The following ADAMTS17 variants were observed in gnomAD, a reference collection of about 807,000 sequenced individuals.
The protein encoded by ADAMTS17 is A disintegrin and metalloproteinase with thrombospondin motifs 17.
ADAMTS17 carries 113 observed loss-of-function variants against 141.5 expected under a neutral mutation model. The ratio of observed to expected loss-of-function variants is 0.80; its 90% CI spans 0.69 to 0.93. The LOEUF (loss-of-function observed/expected upper bound fraction) is 0.93. Among genes scored for constraint, ADAMTS17 ranks in the 40% least tolerant of loss-of-function variants. ADAMTS17 has a pLI of 0.00. For missense variants in ADAMTS17, 1,659 were observed against 1,517.9 expected (o/e 1.09, Z -1.54); for synonymous variants, 768 against 630.6 (o/e 1.22, Z -3.27).
chr15:100,213,264 A>C (rs189788300), intron 7 of ADAMTS17, among the ~76,000 whole-genome samples: 2 of 152,316 alleles, frequency 1.3e-5, no homozygotes, highest in African/African-American at 4.8e-5. Context: ...AAATGTAACA[A>C]GCTCTCTCTG....
At chr15:100,205,064 T>A (rs2041481575) in intron 7 of ADAMTS17, among the ~76,000 whole-genome samples, 1 of 152,142 alleles carries the variant, frequency 6.6e-6, no homozygotes, top group Non-Finnish European at 1.5e-5. Context: ...AAAGGCTACA[T>A]ATTCTTGGCC....
intron 18 of ADAMTS17, among the ~76,000 whole-genome samples, chr15:100,043,033 G>A (rs552852258): frequency 6.6e-6 from 1 of 152,286 alleles, no homozygotes; most frequent in South Asian, 2.1e-4. Flanking sequence ...GTTAGGAATT[G>A]CAAGAGCTTC....
At chr15:100,070,429 C>G (rs1486076638) in intron 15 of ADAMTS17, among the ~76,000 whole-genome samples, 1 of 150,308 alleles carries the variant, frequency 6.7e-6, no homozygotes, top group Non-Finnish European at 1.5e-5. Flanking sequence ...CCCAAATCAA[C>G]AGAATATACA....
chr15:100,000,442 G>A (rs1487167889), intron 18 of ADAMTS17, among the ~76,000 whole-genome samples: 1 of 152,190 alleles, frequency 6.6e-6, no homozygotes, highest in Non-Finnish European at 1.5e-5. Flanking sequence ...TGGCCCAGAT[G>A]TGGCCTGGAA....
At chr15:100,253,360 G>T (rs1409429281) in intron 7 of ADAMTS17, among the ~76,000 whole-genome samples, 1 of 103,212 alleles carries the variant, frequency 9.7e-6, no homozygotes, top group Non-Finnish European at 2.0e-5. Flanking sequence ...TGAGGGAGGG[G>T]AAGGTAGAGG....
intron 7 of ADAMTS17, among the ~76,000 whole-genome samples, chr15:100,207,979 A>G (rs2041644137): frequency 6.6e-6 from 1 of 152,206 alleles, no homozygotes; most frequent in South Asian, 2.1e-4. Context: ...AGACTCTTAT[A>G]AAAGTAATAT....
chr15:100,145,500 A>G (rs572144588), intron 10 of ADAMTS17, among the ~76,000 whole-genome samples: 1 of 152,346 alleles, frequency 6.6e-6, no homozygotes. Flanking sequence ...CAATAACTGC[A>G]GGCACCTTAA....
chr15:100,261,409 C>T, intron 6 of ADAMTS17, 70 bp downstream of exon 6: 1 of 1,604,858 alleles, frequency 6.2e-7, no homozygotes, highest in Non-Finnish European at 8.5e-7. Context: ...TAACAACATG[C>T]CTATTTCCTC....
chr15:100,064,172 G>A (rs541693331), intron 15 of ADAMTS17, among the ~76,000 whole-genome samples: 1 of 152,280 alleles, frequency 6.6e-6, no homozygotes, highest in South Asian at 2.1e-4. Context: ...GCGAGAACAT[G>A]AAGGCAGAGA....
chr15:100,229,342 T>A (rs999340614), intron 7 of ADAMTS17, among the ~76,000 whole-genome samples: 2 of 149,972 alleles, frequency 1.3e-5, no homozygotes, highest in Non-Finnish European at 3.0e-5. Context: ...TTATCTAATA[T>A]CCTGCCCTGC....
intron 15 of ADAMTS17, among the ~76,000 whole-genome samples, chr15:100,054,389 C>G (rs1419089913): frequency 1.3e-5 from 2 of 152,176 alleles, no homozygotes; most frequent in Non-Finnish European, 2.9e-5. Flanking sequence ...GGTCTGATAT[C>G]ATTTCACTAA....
At chr15:100,137,186 T>C (rs1276720743) in intron 10 of ADAMTS17, among the ~76,000 whole-genome samples, 2 of 152,284 alleles carry the variant, frequency 1.3e-5, no homozygotes, top group African/African-American at 2.4e-5. Flanking sequence ...GATCAAAGTA[T>C]TGATTGAAAC....
In ADAMTS17 at chr15:100,181,974, C is replaced by A. The variant is rs145023543; in HGVS notation, c.1181+17344G>T. On this transcript the variant is annotated intron_variant, in intron 8 of 21. Transcript: ENST00000268070. Reference sequence around the variant, plus strand: ...AGCACTTTAGCCCACGAAGGCGAGGCCTGCCAAAACTCAAGTTCCAACCAC... The same window carrying A: ...AGCACTTTAGCCCACGAAGGCGAGGACTGCCAAAACTCAAGTTCCAACCAC... Among the ~76,000 whole-genome samples, 335 of 152,340 alleles carry A rather than the reference C, an allele frequency of 2.2e-3. 3 individuals are homozygous for A. Among genetic ancestry groups the A allele is most frequent in the African/African-American group, 7.0e-3 (293 of 41,580 alleles).
intron 10 of ADAMTS17, among the ~76,000 whole-genome samples, chr15:100,145,020 TCA>T (rs1202521880): frequency 3.3e-5 from 5 of 152,222 alleles, no homozygotes; most frequent in African/African-American, 4.8e-5. Context: ...CTGGTGTGGC[TCA>T]CAGTTTTATT....
At chr15:100,031,583 G>A (rs1300543320) in intron 18 of ADAMTS17, among the ~76,000 whole-genome samples, 5 of 152,138 alleles carry the variant, frequency 3.3e-5, no homozygotes, top group Non-Finnish European at 7.4e-5. Flanking sequence ...CTTCATCAAC[G>A]GAGCATCTGT....
intron 7 of ADAMTS17, among the ~76,000 whole-genome samples, chr15:100,215,361 C>T (rs1163110830): frequency 6.6e-6 from 1 of 152,202 alleles, no homozygotes; most frequent in African/African-American, 2.4e-5. Flanking sequence ...TGGATTAGGG[C>T]CCGAATGTCT....
intron 15 of ADAMTS17, 61 bp downstream of exon 15, chr15:100,096,295 T>C (rs2035751753): frequency 6.8e-6 from 11 of 1,606,644 alleles, no homozygotes; most frequent in Admixed American, 3.3e-5. Flanking sequence ...CTGCAATCAA[T>C]AGCTGTAGGC....
chr15:100,200,855 G>A (rs959857179), intron 7 of ADAMTS17, among the ~76,000 whole-genome samples: 2 of 151,346 alleles, frequency 1.3e-5, no homozygotes, highest in Admixed American at 1.3e-4. Flanking sequence ...TCCCTCTGTC[G>A]AACTGCACCT....
At position 99,974,075 on chromosome 15, in the gene ADAMTS17, G is replaced by A. The variant is rs564837769; in HGVS notation, c.*327C>T. The A allele has an allele frequency of 4.7e-5, 19 of 406,686 alleles. No homozygotes were observed. The highest frequency in any genetic ancestry group is 1.2e-4 in the African/African-American group (6 of 49,016). The allele number at this position is 406,686 out of a possible 1,614,324, so 25.2% of individuals were successfully genotyped here. A position where few individuals can be genotyped will look rare whatever the true frequency, so the allele number is the denominator to read the frequency against. ...CACTGGAAATTCAAATGTCAAAAGC[G>A]AGTCAAGACAAGAACACTAAATGAT... On this transcript the variant is annotated 3_prime_UTR_variant, in exon 22 of 22. Coordinates refer to ENST00000268070, the MANE Select transcript of ADAMTS17 (RefSeq NM_139057.4).
Sources: allele counts gnomAD v4.1 joint callset (sites outside exome capture counted in the v4.1 genomes callset), GRCh38; gene constraint gnomAD v4.1.1; transcripts MANE v1.5; gene names NCBI Gene and HGNC (gene_info 2026-07-23, HGNC 2026-07-21).